Variants in ZNF236 observed in about 807,000 individuals in gnomAD.
ZNF236 encodes the protein regulated by glucose.
A neutral mutation model predicts 191.2 loss-of-function variants in ZNF236; 50 were observed. That is an observed-to-expected ratio of 0.26 (90% CI 0.21 to 0.33). The LOEUF (loss-of-function observed/expected upper bound fraction) is 0.33. Ranked by LOEUF, ZNF236 falls within the 10% of genes least tolerant of loss-of-function variation. ZNF236 has a pLI of 1.00. For synonymous variants in ZNF236, 907 were observed against 928.8 expected, an observed-to-expected ratio of 0.98 and a Z score of 0.43; for missense variants, 1,754 against 2,374.5, an observed-to-expected ratio of 0.74 and a Z score of 5.43.
intron 1 of ZNF236, among the ~76,000 whole-genome samples, chr18:76,839,036 C>T (rs75285720): frequency 0.016 from 2,405 of 152,246 alleles, 30 homozygotes; most frequent in Non-Finnish European, 0.019. Flanking sequence ...GAGATTTGTC[C>T]GTGTTTTTAT....
intron 26 of ZNF236, among the ~76,000 whole-genome samples, chr18:76,944,680 T>C (rs538165680): frequency 6.6e-6 from 1 of 152,032 alleles, no homozygotes; most frequent in East Asian, 1.9e-4. Context: ...TACTTGGGAG[T>C]CTGAGGCAGG....
intron 11 of ZNF236, among the ~76,000 whole-genome samples, 162 bp from the exon 12 acceptor site, chr18:76,904,218 T>G (rs1977678054): frequency 6.6e-6 from 1 of 152,030 alleles, no homozygotes; most frequent in African/African-American, 2.4e-5. Context: ...ATAGGTATTC[T>G]TTGAATAGCC....
chr18:76,830,483 C>T (rs2122390833), intron 1 of ZNF236, among the ~76,000 whole-genome samples: 1 of 152,260 alleles, frequency 6.6e-6, no homozygotes, highest in East Asian at 1.9e-4. Flanking sequence ...CTCCTACCAG[C>T]AGGGGATGAG....
At chr18:76,865,423 A>G (rs1976380113) in intron 3 of ZNF236, among the ~76,000 whole-genome samples, 1 of 152,160 alleles carries the variant, frequency 6.6e-6, no homozygotes, top group South Asian at 2.1e-4. Context: ...CAAACATAAA[A>G]TGGCCCAGCA....
chr18:76,930,124 GC>G (rs1333032231), intron 25 of ZNF236, among the ~76,000 whole-genome samples: 1 of 152,204 alleles, frequency 6.6e-6, no homozygotes, highest in Non-Finnish European at 1.5e-5. Context: ...AGTGACATCT[GC>G]ATACTTTGGA....
intron 3 of ZNF236, among the ~76,000 whole-genome samples, chr18:76,858,357 C>T (rs1238345583): frequency 6.6e-6 from 1 of 152,194 alleles, no homozygotes; most frequent in Non-Finnish European, 1.5e-5. Context: ...CCAGATCTCA[C>T]CTCCCCCCTT....
At chr18:76,906,683 A>G (rs73488916) in intron 13 of ZNF236, among the ~76,000 whole-genome samples, 3,391 of 152,276 alleles carry the variant, frequency 0.022, 106 homozygotes, top group African/African-American at 0.068. Context: ...TTGCGGGGTC[A>G]CCTTTATTAA....
At chr18:76,871,966 G>T in intron 5 of ZNF236, 141 bp downstream of exon 5, 1 of 1,070,302 alleles carries the variant, frequency 9.3e-7, no homozygotes, top group Non-Finnish European at 1.3e-6. Flanking sequence ...GTTACTCTTT[G>T]TGTGATTTTA....
chr18:76,934,623 T>C (rs2122869503), intron 25 of ZNF236, among the ~76,000 whole-genome samples: 1 of 152,372 alleles, frequency 6.6e-6, no homozygotes, highest in South Asian at 2.1e-4. Flanking sequence ...TAATCACTTA[T>C]TTTATTTTTA....
At chr18:76,926,119 A>G (rs1342190351) in intron 22 of ZNF236, among the ~76,000 whole-genome samples, 2 of 152,334 alleles carry the variant, frequency 1.3e-5, no homozygotes, top group Non-Finnish European at 2.9e-5. Flanking sequence ...GCTAATCAGT[A>G]GAATCTTTTT....
At chr18:76,868,373 C>T (rs556242299) in intron 3 of ZNF236, among the ~76,000 whole-genome samples, 6 of 152,304 alleles carry the variant, frequency 3.9e-5, no homozygotes, top group Admixed American at 2.6e-4. Flanking sequence ...ACAGAATAGG[C>T]GGACCCAGTG....
intron 1 of ZNF236, among the ~76,000 whole-genome samples, chr18:76,825,282 C>T (rs1254545620): frequency 2.0e-5 from 3 of 152,234 alleles, no homozygotes; most frequent in African/African-American, 4.8e-5. Context: ...AAGTGGTTCT[C>T]AAACTGTGGT....
At position 76,955,952 on chromosome 18, in the gene ZNF236, G is replaced by A. The variant is rs764023618; in HGVS notation, c.4915-33G>A. On this transcript the variant is annotated intron_variant, in intron 27 of 30. Transcript: ENST00000320610. ...ACAAACTGCACAAATCAAGCCAAGT[G>A]AGTGGAAAGTCACAATTTCTGGCTC... 2.5e-6 allele frequency: 4 copies of A among 1,589,782 alleles called. No homozygotes were observed. In the South Asian group the frequency reaches 3.4e-5, roughly 14 times the overall value.
chr18:76,823,695 T>C (rs953903702), intron 1 of ZNF236, among the ~76,000 whole-genome samples: 2 of 152,248 alleles, frequency 1.3e-5, no homozygotes, highest in Non-Finnish European at 2.9e-5. Context: ...CCCCAGACCC[T>C]GGCCCTTCCA....
At chr18:76,844,869 G>A (rs1158173116) in intron 1 of ZNF236, among the ~76,000 whole-genome samples, 1 of 152,158 alleles carries the variant, frequency 6.6e-6, no homozygotes, top group African/African-American at 2.4e-5. Context: ...TTTTAAGATA[G>A]CTTATCTGGT....
intron 9 of ZNF236, chr18:76,886,558 C>T: frequency 5.3e-6 from 1 of 188,992 alleles, no homozygotes; most frequent in Non-Finnish European, 1.1e-5. Flanking sequence ...AAGCCTGCTG[C>T]TCCTGCAGCT....
rs1315128229 is a variant in ZNF236 at position 76,908,559 on chromosome 18, T to G, written c.2537T>G (p.Leu846Arg). ...GLGQQLADQP[L>R]EADEDGFVAP... Reference sequence around the variant, plus strand: ...GGCCAGCAGTTGGCAGATCAGCCCCTGGAAGCAGATGAAGGTAAATGTTTC... The same window carrying G: ...GGCCAGCAGTTGGCAGATCAGCCCCGGGAAGCAGATGAAGGTAAATGTTTC... Residue 846 changes from leucine (L) to arginine (R), a missense_variant, in exon 14 of 31, where the codon CTG becomes CGG. Coordinates refer to ENST00000320610, the MANE Select transcript of ZNF236 (RefSeq NM_001306089.2). 1.9e-6 allele frequency: 3 copies of G among 1,607,024 alleles called. No homozygotes were observed. The highest frequency in any genetic ancestry group is 2.5e-6 in the Non-Finnish European group (3 of 1,176,892).
chr18:76,947,963 C>A (rs966536317), intron 27 of ZNF236, among the ~76,000 whole-genome samples: 7 of 152,088 alleles, frequency 4.6e-5, no homozygotes, highest in Non-Finnish European at 1.0e-4. Flanking sequence ...TTATATTTGC[C>A]TGCTGATCAG....
At chr18:76,929,725 A>C (rs936779826) in intron 25 of ZNF236, among the ~76,000 whole-genome samples, 1 of 152,236 alleles carries the variant, frequency 6.6e-6, no homozygotes, top group African/African-American at 2.4e-5. Context: ...CTCACTTATT[A>C]TGATGGATAA....
Sources: allele counts gnomAD v4.1 joint callset (sites outside exome capture counted in the v4.1 genomes callset), GRCh38; gene constraint gnomAD v4.1.1; transcripts MANE v1.5; gene names NCBI Gene and HGNC (gene_info 2026-07-23, HGNC 2026-07-21).